Variants in SEL1L observed in about 807,000 individuals in gnomAD.
SEL1L encodes the protein protein sel-1 homolog 1.
In SEL1L, 52 loss-of-function variants were observed where a neutral mutation model predicts 109.8. The ratio of observed to expected loss-of-function variants is 0.47; its 90% CI spans 0.38 to 0.60. The LOEUF (loss-of-function observed/expected upper bound fraction) is 0.60. Ranked by LOEUF, SEL1L falls within the 20% of genes least tolerant of loss-of-function variation. SEL1L has a pLI of 0.00. For missense variants in SEL1L, 749 were observed against 962.2 expected (o/e 0.78, Z 2.93); for synonymous variants, 373 against 339.6 (o/e 1.10, Z -1.08).
At position 81,497,916 on chromosome 14, in the gene SEL1L, A is replaced by G; in HGVS notation, c.1104T>C (p.Ala368=). Residue 368 remains alanine, a synonymous_variant, in exon 10 of 21, where the codon GCT becomes GCC. Transcript: ENST00000336735. ...CCTGTGCTTGTACATCACCTTTTTCAGCTAGGAACTGGTAATATTGAATCA... is the reference window on the plus strand; with the variant it reads ...CCTGTGCTTGTACATCACCTTTTTCGGCTAGGAACTGGTAATATTGAATCA... ...EDLIQYYQFL[A]EKGDVQAQVG... 1 of 1,613,410 alleles carries G rather than the reference A, an allele frequency of 6.2e-7. No homozygotes were observed. The highest frequency in any genetic ancestry group is 8.5e-7 in the Non-Finnish European group (1 of 1,179,744).
intron 1 of SEL1L, 57 bp downstream of exon 1, chr14:81,533,618 T>A (rs951154364): frequency 4.5e-6 from 7 of 1,558,060 alleles, no homozygotes; most frequent in Non-Finnish European, 6.1e-6. Flanking sequence ...CCCCGCCGGC[T>A]GTAGAGGCTG....
intron 9 of SEL1L, 169 bp downstream of exon 9, chr14:81,498,244 G>A (rs1883856874): frequency 2.4e-6 from 2 of 823,886 alleles, no homozygotes; most frequent in Non-Finnish European, 3.7e-6. Context: ...AGAACCTAAA[G>A]CAAAATTATA....
At chr14:81,497,601 G>GCT (rs1430674486) in intron 10 of SEL1L, among the ~76,000 whole-genome samples, 1 of 152,150 alleles carries the variant, frequency 6.6e-6, no homozygotes. Flanking sequence ...TGTTAATGCT[G>GCT]CTCTGTTCAA....
At chr14:81,502,904 A>G in intron 5 of SEL1L, 21 bp from the exon 6 acceptor site, 1 of 1,564,560 alleles carries the variant, frequency 6.4e-7, no homozygotes, top group Non-Finnish European at 8.7e-7. Flanking sequence ...AAACAATTAA[A>G]AACCAAATTA....
intron 19 of SEL1L, 128 bp from the exon 20 acceptor site, chr14:81,479,868 C>A: frequency 1.2e-6 from 1 of 811,678 alleles, no homozygotes. Context: ...CTCACCTAAA[C>A]AAAAATGCCA....
chr14:81,476,955 G>A lies in SEL1L; in HGVS notation c.*17C>T, dbSNP rs937113338. ...ACTTCCTTCGCTGTCACTGATCAAG[G>A]CTGGACCCAGTGCCTATTACTGTGG... On this transcript the variant is annotated 3_prime_UTR_variant, in exon 21 of 21. Transcript: ENST00000336735. 18 of 1,613,276 alleles carry A rather than the reference G, an allele frequency of 1.1e-5. No individual in the cohort carries two copies. The highest frequency in any genetic ancestry group is 1.5e-5 in the Non-Finnish European group (18 of 1,179,560).
Position 81,502,717 on chromosome 14 carries a change from T to C in SEL1L, c.777+4A>G. The stretch of plus-strand genomic sequence containing the variant: ...GAGAGATTCTTCACTGAGAATGTAC[T>C]TACAGTCTGTCCCTTGGGAGAGCCT... On this transcript the variant is annotated splice_donor_region_variant and intron_variant, in intron 6 of 20. Coordinates refer to ENST00000336735, the MANE Select transcript of SEL1L (RefSeq NM_005065.6). 6.2e-7 allele frequency: 1 copy of C among 1,613,272 alleles called. No homozygotes were observed. The highest frequency in any genetic ancestry group is 8.5e-7 in the Non-Finnish European group (1 of 1,179,478).
Position 81,526,954 on chromosome 14 carries a change from G to A in SEL1L, c.119C>T (p.Thr40Ile). ...DESLDSKTTL[T>I]SDESVKDHTT... ...ATGGTCCTTTACTGACTCATCTGAT[G>A]TCAAAGTAGTCTGAGAATATAAAGT... is the stretch of plus-strand genomic sequence containing the variant. The change falls in exon 3 of 21, where the codon ACA (threonine) becomes ATA (isoleucine). Residue 40 changes from threonine to isoleucine, a missense_variant. Coordinates refer to ENST00000336735, the MANE Select transcript of SEL1L (RefSeq NM_005065.6). The A allele has an allele frequency of 1.9e-6, 3 of 1,608,070 alleles. No individual in the cohort carries two copies. Among genetic ancestry groups the A allele is most frequent in the Non-Finnish European group, 2.6e-6 (3 of 1,175,236 alleles).
chr14:81,523,529 T>C (rs1885004517), intron 3 of SEL1L, among the ~76,000 whole-genome samples: 1 of 152,174 alleles, frequency 6.6e-6, no homozygotes, highest in Non-Finnish European at 1.5e-5. Flanking sequence ...AATTTATATT[T>C]ACATTTACCC....
chr14:81,476,909 T>G lies in SEL1L; in HGVS notation c.*63A>C, dbSNP rs1447351094. The G allele has an allele frequency of 6.5e-7, 1 of 1,547,668 alleles. No homozygotes were observed. Among genetic ancestry groups the G allele is most frequent in the African/African-American group, 1.4e-5 (1 of 73,626 alleles). Reference sequence around the variant, plus strand: ...CACTGATCCAAGGTCCTAAATCAAATGCAAGTGTTCCCAGCAGATAACTTC... The same window carrying G: ...CACTGATCCAAGGTCCTAAATCAAAGGCAAGTGTTCCCAGCAGATAACTTC... On this transcript the variant is annotated 3_prime_UTR_variant, in exon 21 of 21. Transcript: ENST00000336735.
At chr14:81,488,243 T>C (rs1883395905) in intron 14 of SEL1L, among the ~76,000 whole-genome samples, 1 of 152,206 alleles carries the variant, frequency 6.6e-6, no homozygotes, top group African/African-American at 2.4e-5. Context: ...CAATCTTCTC[T>C]GCTAACCAAT....
rs1380341386 is a variant in SEL1L at position 81,475,729 on chromosome 14, CCAGA to C, written c.*1239_*1242del. 1 of 152,140 alleles carries C rather than the reference CCAGA, an allele frequency of 6.6e-6. No individual in the cohort carries two copies. The highest frequency in any genetic ancestry group is 1.9e-4 in the East Asian group (1 of 5,198). 9.4% of individuals were successfully genotyped at this position (152,140 alleles called of 1,614,324 possible). On this transcript the variant is annotated 3_prime_UTR_variant, in exon 21 of 21. Coordinates refer to ENST00000336735, the MANE Select transcript of SEL1L (RefSeq NM_005065.6). ...TCAGTTTTTTTCCCATACTATTTAA[CCAGA>C]CAATCCTGAAGCATAGTAGCCTTGA...
At chr14:81,523,634 A>G (rs908892042) in intron 3 of SEL1L, among the ~76,000 whole-genome samples, 2 of 152,224 alleles carry the variant, frequency 1.3e-5, no homozygotes, top group Admixed American at 6.5e-5. Context: ...GTCTGTCAGA[A>G]GCACAGACAA....
chr14:81,477,753 C>A (rs549565569), intron 20 of SEL1L, among the ~76,000 whole-genome samples: 12 of 152,186 alleles, frequency 7.9e-5, no homozygotes, highest in African/African-American at 2.4e-4. Flanking sequence ...GTGGAGGTTG[C>A]GGTGAGCCGA....
intron 20 of SEL1L, among the ~76,000 whole-genome samples, chr14:81,478,570 A>T (rs912397845): frequency 6.6e-6 from 1 of 152,234 alleles, no homozygotes; most frequent in African/African-American, 2.4e-5. Context: ...CCACACGATC[A>T]GCTTTTAATT....
rs767403581 is a variant in SEL1L at position 81,489,305 on chromosome 14, C to T, written c.1342G>A (p.Val448Ile). The change falls in exon 14 of 21, where the codon GTT becomes ATT. Residue 448 changes from valine to isoleucine, a missense_variant. Transcript: ENST00000336735. ...FKKAADMGNP[V>I]GQSGLGMAYL... ...GCCATTCCAAGCCCACTCTGTCCAACTGGGTTGCCCTGCAAAGCAGAGAAA... is the reference window on the plus strand; with the variant it reads ...GCCATTCCAAGCCCACTCTGTCCAATTGGGTTGCCCTGCAAAGCAGAGAAA... 2 of 1,614,066 alleles carry T rather than the reference C, an allele frequency of 1.2e-6. No individual in the cohort carries two copies. The highest frequency in any genetic ancestry group is 1.7e-6 in the Non-Finnish European group (2 of 1,179,912).
At chr14:81,496,481 T>C (rs1166851550) in intron 10 of SEL1L, among the ~76,000 whole-genome samples, 1 of 152,160 alleles carries the variant, frequency 6.6e-6, no homozygotes, top group Non-Finnish European at 1.5e-5. Context: ...GGCTAATGCC[T>C]GTAATCCCAG....
intron 1 of SEL1L, among the ~76,000 whole-genome samples, chr14:81,530,476 C>T (rs571165552): frequency 6.6e-6 from 1 of 152,266 alleles, no homozygotes; most frequent in East Asian, 1.9e-4. Flanking sequence ...CCTCTGCTGT[C>T]TGAAAACTAC....
In SEL1L at chr14:81,506,176, T is replaced by C. The variant is rs760029119; in HGVS notation, c.406A>G (p.Lys136Glu). The C allele has an allele frequency of 1.8e-5, 29 of 1,613,706 alleles. No homozygotes were observed. Among genetic ancestry groups the C allele is most frequent in the Non-Finnish European group, 2.5e-5 (29 of 1,179,846 alleles). ...TCTGATGTACATTCATCATACTCCTTATCTAGGAAAAGAAAAGGGAAGTGG... is the reference window on the plus strand; with the variant it reads ...TCTGATGTACATTCATCATACTCCTCATCTAGGAAAAGAAAAGGGAAGTGG... ...PCHFPFLFLD[K>E]EYDECTSDGR... Residue 136 changes from lysine (K) to glutamate (E), a missense_variant, in exon 4 of 21, where the codon AAG (lysine) becomes GAG (glutamate). Transcript: ENST00000336735.
Sources: gnomAD v4.1 joint callset for allele counts (sites outside exome capture counted in the v4.1 genomes callset) on GRCh38, gnomAD v4.1.1 for gene constraint, MANE v1.5 for transcripts, NCBI Gene and HGNC (gene_info 2026-07-23, HGNC 2026-07-21) for gene names.